The following RGPD4 variants were observed in gnomAD, a reference collection of about 807,000 sequenced individuals.
RGPD4 encodes ranBP2-like and GRIP domain-containing protein 4.
RGPD4 carries 84 observed loss-of-function variants against 141.1 expected under a neutral mutation model. The observed-to-expected ratio is 0.60, with a 90% CI of 0.50 to 0.71. The LOEUF is 0.71. RGPD4 is among the 30% of genes least tolerant of loss of function. RGPD4 has a pLI of 0.00. For missense variants in RGPD4, 918 were observed against 1,622.4 expected (o/e 0.57, Z 7.46); for synonymous variants, 298 against 566.8 (o/e 0.53, Z 6.74).
Position 107,869,163 on chromosome 2 carries a change from T to A in RGPD4, c.2606-720T>A, listed in dbSNP as rs1356657548. 5.9e-5 allele frequency among the ~76,000 whole-genome samples: 4 copies of A among 67,772 alleles called. 2 individuals are homozygous for A. The highest frequency in any genetic ancestry group is 1.3e-4 in the Non-Finnish European group (4 of 30,796). 44.5% of individuals were successfully genotyped at this position (67,772 alleles called of 152,430 possible). ...CTCTTGGCACAGTTTCTGTTTCTTCTTCCATGTACAGGCATGAAAGATCTT... is the reference window on the plus strand; with the variant it reads ...CTCTTGGCACAGTTTCTGTTTCTTCATCCATGTACAGGCATGAAAGATCTT... On this transcript the variant is annotated intron_variant, in intron 18 of 22. Transcript: ENST00000408999.
At chr2:107,854,128 C>A (rs1259036872) in intron 7 of RGPD4, among the ~76,000 whole-genome samples, 54 of 134,620 alleles carry the variant, frequency 4.0e-4, no homozygotes, top group African/African-American at 1.3e-3. Flanking sequence ...AGTCTCGGCG[C>A]ACTACAACCT....
chr2:107,844,388 G>T (rs2104420002), intron 6 of RGPD4, among the ~76,000 whole-genome samples: 1 of 152,272 alleles, frequency 6.6e-6, no homozygotes, highest in Non-Finnish European at 1.5e-5. Context: ...GCATGCCTCT[G>T]TTTATGTATT....
In RGPD4 at chr2:107,871,940, T is replaced by C; in HGVS notation, c.3936T>C (p.Ser1312=). ...PSKSPAKLNQ[S]GTSVGTDEES... The stretch of plus-strand genomic sequence containing the variant: ...AGTCTCCTGCCAAGTTGAATCAGAG[T>C]GGGACTTCAGTTGGCACTGATGAAG... Residue 1312 remains serine (S), a synonymous_variant, in exon 20 of 23, where the codon AGT becomes AGC. Transcript: ENST00000408999. 1 of 1,611,390 alleles carries C rather than the reference T, an allele frequency of 6.2e-7. No homozygotes were observed. The highest frequency in any genetic ancestry group is 8.5e-7 in the Non-Finnish European group (1 of 1,179,810).
rs1675490262 is a variant in RGPD4 at position 107,885,636 on chromosome 2, G to A, written c.5266+2763G>A. Among the ~76,000 whole-genome samples the A allele has an allele frequency of 2.0e-5, 3 of 152,224 alleles. No homozygotes were observed. The South Asian group carries it at 6.2e-4, about 32-fold the overall frequency. Reference sequence around the variant, plus strand: ...CAGGAAAACACATTTAAATTAGTTTGCCCTTTAAAGATTATTTACTACTTG... The same window carrying A: ...CAGGAAAACACATTTAAATTAGTTTACCCTTTAAAGATTATTTACTACTTG... On this transcript the variant is annotated intron_variant, in intron 22 of 22. Coordinates refer to ENST00000408999, the MANE Select transcript of RGPD4 (RefSeq NM_182588.3).
intron 1 of RGPD4, among the ~76,000 whole-genome samples, chr2:107,832,749 G>C (rs1225834470): frequency 1.3e-5 from 2 of 151,652 alleles, no homozygotes; most frequent in Non-Finnish European, 2.9e-5. Flanking sequence ...AATTTTTTTC[G>C]CAATTTTGAA....
chr2:107,863,620 G>A (rs1227515976), intron 17 of RGPD4, among the ~76,000 whole-genome samples: 12 of 151,648 alleles, frequency 7.9e-5, no homozygotes, highest in Admixed American at 7.2e-4. Flanking sequence ...AGCCTCCCGA[G>A]TAGCTGGGAT....
In RGPD4 at chr2:107,858,396, A is replaced by ACCTTT. The variant is rs1682403827; in HGVS notation, c.1277-717_1277-713dup. On this transcript the variant is annotated intron_variant, in intron 9 of 22. Coordinates refer to ENST00000408999, the MANE Select transcript of RGPD4 (RefSeq NM_182588.3). ...CTCTTCATGCTTCCAGAAGCACATA[A>ACCTTT]CCTTTTCTTTTCTTTTCTTTTCTTT... is the stretch of plus-strand genomic sequence containing the variant. Among the ~76,000 whole-genome samples, 3 of 138,726 alleles carry ACCTTT rather than the reference A, an allele frequency of 2.2e-5. No individual in the cohort carries two copies. In the South Asian group the frequency reaches 7.4e-4, roughly 34 times the overall value. 91.0% of individuals were successfully genotyped at this position (138,726 alleles called of 152,430 possible).
intron 1 of RGPD4, among the ~76,000 whole-genome samples, chr2:107,832,725 T>C (rs1347464518): frequency 1.6e-4 from 25 of 151,828 alleles, no homozygotes; most frequent in South Asian, 6.3e-4. Flanking sequence ...GTTATCGAAT[T>C]CTGAGTTTGA....
At chr2:107,869,825 T>A (rs1236836354) in intron 18 of RGPD4, 58 bp from the exon 19 acceptor site, 1 of 1,534,448 alleles carries the variant, frequency 6.5e-7, no homozygotes, top group Non-Finnish European at 8.7e-7. Flanking sequence ...GACTAGATAG[T>A]CTTAACTGTA....
At chr2:107,890,667 T>A (rs1040156673) in intron 22 of RGPD4, 54 bp from the exon 23 acceptor site, 36 of 1,500,760 alleles carry the variant, frequency 2.4e-5, no homozygotes, top group Non-Finnish European at 3.1e-5. Flanking sequence ...AGATTTTACA[T>A]TGAGAAATTT....
At chr2:107,880,244 G>A (rs1675318313) in intron 21 of RGPD4, 137 bp downstream of exon 21, 3 of 862,140 alleles carry the variant, frequency 3.5e-6, no homozygotes, top group South Asian at 3.8e-5. Context: ...GATTCCTGAT[G>A]GTGAGAAATA....
intron 7 of RGPD4, among the ~76,000 whole-genome samples, chr2:107,849,335 C>T (rs1481310772): frequency 6.9e-5 from 7 of 101,160 alleles, no homozygotes; most frequent in African/African-American, 2.1e-4. Context: ...ATTACAGGCG[C>T]GAGGCACTGC....
chr2:107,833,232 G>C (rs566034090), intron 1 of RGPD4, among the ~76,000 whole-genome samples: 1 of 149,424 alleles, frequency 6.7e-6, no homozygotes, highest in South Asian at 2.1e-4. Context: ...GACTCCGTTT[G>C]AATTAAAAAA....
rs149208826 is a variant in RGPD4 at position 107,827,963 on chromosome 2, G to C, written c.72+878G>C. Reference sequence around the variant, plus strand: ...GCTCAGGCATCATGGCTCCCGACGGGCGCTGCTCCCTGACGCGCTCTGTTG... The same window carrying C: ...GCTCAGGCATCATGGCTCCCGACGGCCGCTGCTCCCTGACGCGCTCTGTTG... On this transcript the variant is annotated intron_variant, in intron 1 of 22. Coordinates refer to ENST00000408999, the MANE Select transcript of RGPD4 (RefSeq NM_182588.3). Among the ~76,000 whole-genome samples, 61 of 10,576 alleles carry C rather than the reference G, an allele frequency of 5.8e-3. 1 individual carries two copies. Among genetic ancestry groups the C allele is most frequent in the Middle Eastern group, 0.12 (1 of 8 alleles). 6.9% of individuals were successfully genotyped at this position (10,576 alleles called of 152,430 possible).
Position 107,827,091 on chromosome 2 carries a change from T to C in RGPD4, c.72+6T>C, listed in dbSNP as rs535370411. Reference sequence around the variant, plus strand: ...CCGCCCCGTCGCCTCGAAAGGTGAGTGGATCTCGAAGAGACCGACGGCCTC... The same window carrying C: ...CCGCCCCGTCGCCTCGAAAGGTGAGCGGATCTCGAAGAGACCGACGGCCTC... On this transcript the variant is annotated splice_donor_region_variant and intron_variant, in intron 1 of 22. Transcript: ENST00000408999. 289 of 1,588,310 alleles carry C rather than the reference T, an allele frequency of 1.8e-4. No homozygotes were observed. Among genetic ancestry groups the C allele is most frequent in the Non-Finnish European group, 2.4e-4 (276 of 1,168,888 alleles).
intron 1 of RGPD4, among the ~76,000 whole-genome samples, chr2:107,833,950 T>C (rs906225179): frequency 6.6e-6 from 1 of 151,356 alleles, no homozygotes; most frequent in African/African-American, 2.4e-5. Flanking sequence ...GAGGTTGCAG[T>C]GAGCTGAGAT....
chr2:107,834,020 G>C (rs1016460879), intron 1 of RGPD4, among the ~76,000 whole-genome samples: 4 of 151,014 alleles, frequency 2.6e-5, no homozygotes, highest in Admixed American at 6.6e-5. Context: ...ACAAAAAAAG[G>C]AAGGGGGGAA....
Position 107,871,757 on chromosome 2 carries a change from C to T in RGPD4, c.3753C>T (p.Asn1251=), listed in dbSNP as rs1682929399. 6.2e-7 allele frequency: 1 copy of T among 1,611,270 alleles called. No homozygotes were observed. The highest frequency in any genetic ancestry group is 8.5e-7 in the Non-Finnish European group (1 of 1,179,834). Residue 1251 remains asparagine, a synonymous_variant, in exon 20 of 23, where the codon AAC becomes AAT. Coordinates refer to ENST00000408999, the MANE Select transcript of RGPD4 (RefSeq NM_182588.3). ...ENTGPTLEWD[N]CDLREDALDD... ...CTGGGCCCACATTAGAATGGGATAA[C>T]TGTGATTTAAGGGAAGATGCTTTGG...
chr2:107,877,499 ACAATTAAGAAGCTG>A (rs1456729374), intron 20 of RGPD4, among the ~76,000 whole-genome samples: 1 of 151,384 alleles, frequency 6.6e-6, no homozygotes, highest in Non-Finnish European at 1.5e-5. Flanking sequence ...GTGAGCAGCA[ACAATTAAGAAGCTG>A]CAGAGGTAAA....
Sources: gnomAD v4.1 joint callset for allele counts (sites outside exome capture counted in the v4.1 genomes callset) on GRCh38, gnomAD v4.1.1 for gene constraint, MANE v1.5 for transcripts, NCBI Gene and HGNC (gene_info 2026-07-23, HGNC 2026-07-21) for gene names.